SMOC2: variants seen among roughly 807,000 people sequenced by gnomAD.
SMOC2 encodes the protein SPARC-related modular calcium-binding protein 2.
SMOC2 carries 39 observed loss-of-function variants against 61.4 expected under a neutral mutation model. The ratio of observed to expected loss-of-function variants is 0.64; its 90% CI spans 0.49 to 0.83. The LOEUF is 0.83. Ranked by LOEUF, SMOC2 falls within the 40% of genes least tolerant of loss-of-function variation. The probability of loss-of-function intolerance (pLI) is 0.00; values close to 1 mark genes in which losing one functional copy is unlikely to be tolerated. For synonymous variants in SMOC2, 247 were observed against 239.9 expected (o/e 1.03, Z -0.27); for missense variants, 556 against 592.9 (o/e 0.94, Z 0.65).
At chr6:168,477,349 T>C (rs1306578978) in intron 1 of SMOC2, among the ~76,000 whole-genome samples, 2 of 152,234 alleles carry the variant, frequency 1.3e-5, no homozygotes, top group Non-Finnish European at 2.9e-5. Context: ...AATCTTACTC[T>C]TTACCTTTTC....
At chr6:168,526,543 G>A (rs770571943) in intron 3 of SMOC2, 91 bp downstream of exon 3, 12 of 983,700 alleles carry the variant, frequency 1.2e-5, no homozygotes, top group Non-Finnish European at 1.8e-5. Context: ...GGGGGGAGCC[G>A]AACAGAAGAA....
intron 4 of SMOC2, among the ~76,000 whole-genome samples, chr6:168,531,036 C>T (rs1423013650): frequency 6.6e-6 from 1 of 152,140 alleles, no homozygotes; most frequent in African/African-American, 2.4e-5. Flanking sequence ...CTCCTGAGTC[C>T]ACGGAGCCCC....
chr6:168,599,447 T>A (rs1583147430), intron 8 of SMOC2, among the ~76,000 whole-genome samples: 1 of 49,478 alleles, frequency 2.0e-5, no homozygotes, highest in Admixed American at 2.9e-4. Context: ...ACACACACAT[T>A]CGTACCCCCA....
intron 1 of SMOC2, among the ~76,000 whole-genome samples, chr6:168,506,352 T>C (rs2115048102): frequency 6.6e-6 from 1 of 152,338 alleles, no homozygotes; most frequent in South Asian, 2.1e-4. Context: ...ATCTTACAGC[T>C]ACAAGAATTA....
At chr6:168,569,559 G>A (rs1014962209) in intron 7 of SMOC2, among the ~76,000 whole-genome samples, 3 of 152,230 alleles carry the variant, frequency 2.0e-5, no homozygotes, top group Admixed American at 2.0e-4. Flanking sequence ...TCCTGCCTCA[G>A]CCTCCTGAGT....
At position 168,453,798 on chromosome 6, in the gene SMOC2, A is replaced by T; in HGVS notation, c.84+12344A>T. Reference sequence around the variant, plus strand: ...CTGATTCTATCTCTTGGTCTCTGTCATTCTCCATCTCTGTCCTCTATCTCT... The same window carrying T: ...CTGATTCTATCTCTTGGTCTCTGTCTTTCTCCATCTCTGTCCTCTATCTCT... On this transcript the variant is annotated intron_variant, in intron 1 of 12. Transcript: ENST00000356284. This position sits in a 1 kb window ranked among gnomAD's most constrained non-coding sequence, Gnocchi z 4.4. Among the ~76,000 whole-genome samples the T allele has an allele frequency of 6.8e-6, 1 of 147,946 alleles. No individual in the cohort carries two copies. The highest frequency in any genetic ancestry group is 1.5e-5 in the Non-Finnish European group (1 of 67,204).
rs144705461 is a variant in SMOC2, at chr6:168,536,416, C to T, written c.464-7209C>T. Among the ~76,000 whole-genome samples, 347 of 152,104 alleles carry T rather than the reference C, an allele frequency of 2.3e-3. 2 individuals are homozygous for T. Among genetic ancestry groups the T allele is most frequent in the Admixed American group, 4.0e-3 (61 of 15,284 alleles). ...GCCTTCAGAGGCTGACAGGAGCTGG[C>T]GGATAAGGAGGTGGTTGGGTCCCAG... On this transcript the variant is annotated intron_variant, in intron 4 of 12. Coordinates refer to ENST00000356284, the MANE Select transcript of SMOC2 (RefSeq NM_001166412.2).
chr6:168,609,478 C>A lies in SMOC2; in HGVS notation c.907+1239C>A, dbSNP rs116534262. On this transcript the variant is annotated intron_variant, in intron 9 of 12. Coordinates refer to ENST00000356284, the MANE Select transcript of SMOC2 (RefSeq NM_001166412.2). ...AAGAGATCACGATGGTGCAAACACA[C>A]CCGTCCCTGTGCATGCCTAGTGAAG... 2.0e-3 allele frequency among the ~76,000 whole-genome samples: 311 copies of A among 152,256 alleles called. 1 individual carries two copies. The highest frequency in any genetic ancestry group is 7.2e-3 in the African/African-American group (298 of 41,522).
At chr6:168,458,449 C>T (rs200228480) in intron 1 of SMOC2, among the ~76,000 whole-genome samples, 2 of 152,186 alleles carry the variant, frequency 1.3e-5, no homozygotes, top group East Asian at 3.9e-4. Context: ...TCCTGGATTC[C>T]CACTCGCCAT....
chr6:168,529,417 G>A (rs1031612656), intron 4 of SMOC2, among the ~76,000 whole-genome samples: 13 of 152,180 alleles, frequency 8.5e-5, no homozygotes, highest in South Asian at 2.1e-4. Flanking sequence ...GTGTTTCCAC[G>A]TCGGGGCAGG....
intron 7 of SMOC2, among the ~76,000 whole-genome samples, chr6:168,574,474 C>T (rs1052628333): frequency 4.6e-5 from 7 of 152,200 alleles, no homozygotes; most frequent in South Asian, 4.1e-4. Context: ...ACCTTCCCGC[C>T]GGGCCTTGGG....
chr6:168,536,093 G>A (rs948219372), intron 4 of SMOC2, among the ~76,000 whole-genome samples: 7 of 152,218 alleles, frequency 4.6e-5, no homozygotes, highest in East Asian at 1.9e-4. Context: ...CAGGTCTGTC[G>A]TGTGGCCAAA....
rs1215703493 is a variant in SMOC2, at chr6:168,553,090, AAG to A, written c.637+3893_637+3894del. Among the ~76,000 whole-genome samples, 1 of 152,228 alleles carries A rather than the reference AAG, an allele frequency of 6.6e-6. No individual in the cohort carries two copies. Among genetic ancestry groups the A allele is most frequent in the Non-Finnish European group, 1.5e-5 (1 of 68,048 alleles). ...TAACCAAATTAATACATAACTGGAA[AAG>A]AGAGAATCTAGGCACCCCTAGAGGT... On this transcript the variant is annotated intron_variant, in intron 7 of 12. Transcript: ENST00000356284. This position sits in a 1 kb window ranked among gnomAD's most constrained non-coding sequence, Gnocchi z 4.2.
chr6:168,475,270 C>T lies in SMOC2; in HGVS notation c.84+33816C>T, dbSNP rs1458673455. ...TGTGTGGAAGGCAGCTTGGATAGTC[C>T]TGGCATGTTTGATGGATGTCACATT... On this transcript the variant is annotated intron_variant, in intron 1 of 12. Transcript: ENST00000356284. The surrounding 1 kb of genome is among the most constrained non-coding windows in gnomAD (Gnocchi z 4.6). Among the ~76,000 whole-genome samples the T allele has an allele frequency of 6.6e-6, 1 of 152,164 alleles. No individual in the cohort carries two copies. Among genetic ancestry groups the T allele is most frequent in the Non-Finnish European group, 1.5e-5 (1 of 67,996 alleles).
At chr6:168,575,157 C>T (rs1291306268) in intron 7 of SMOC2, among the ~76,000 whole-genome samples, 1 of 152,164 alleles carries the variant, frequency 6.6e-6, no homozygotes, top group Non-Finnish European at 1.5e-5. Flanking sequence ...AGGAGCCACA[C>T]CCCTCCCAGT....
At chr6:168,517,364 C>T (rs573752346) in intron 2 of SMOC2, among the ~76,000 whole-genome samples, 130 of 152,332 alleles carry the variant, frequency 8.5e-4, no homozygotes, top group African/African-American at 2.4e-3. Flanking sequence ...AGCCGCCTCA[C>T]GCCTGCTCCT....
intron 2 of SMOC2, among the ~76,000 whole-genome samples, chr6:168,525,680 A>G (rs1783437386): frequency 6.6e-6 from 1 of 152,084 alleles, no homozygotes; most frequent in African/African-American, 2.4e-5. Context: ...GAGGCTTTCT[A>G]AGAAGACCTG....
At chr6:168,637,970 C>T in intron 9 of SMOC2, among the ~76,000 whole-genome samples, 1 of 151,874 alleles carries the variant, frequency 6.6e-6, no homozygotes, top group Non-Finnish European at 1.5e-5. Flanking sequence ...CAGGCGTGCC[C>T]CTGCCCCGCC....
intron 2 of SMOC2, 31 bp downstream of exon 2, chr6:168,510,117 A>G (rs375802383): frequency 5.4e-5 from 87 of 1,602,580 alleles, no homozygotes; most frequent in East Asian, 5.4e-4. Context: ...TCATCCAAAG[A>G]TGGGTACATC....
Sources: allele counts gnomAD v4.1 joint callset (sites outside exome capture counted in the v4.1 genomes callset), GRCh38; gene constraint gnomAD v4.1.1; non-coding constraint Gnocchi (gnomAD v3.1); transcripts MANE v1.5; gene names NCBI Gene and HGNC (gene_info 2026-07-23, HGNC 2026-07-21).